The following FRMPD2 variants were observed in gnomAD, a reference collection of about 807,000 sequenced individuals.
FRMPD2 encodes FERM and PDZ domain containing 2, also known as FERM and PDZ domain-containing protein 2.
FRMPD2 carries 96 observed loss-of-function variants against 140.1 expected under a neutral mutation model. The observed-to-expected ratio is 0.69, with a 90% CI of 0.58 to 0.81. FRMPD2 has a LOEUF of 0.81. Among genes scored for constraint, FRMPD2 ranks in the 40% least tolerant of loss-of-function variants. The pLI, the probability that FRMPD2 is intolerant of heterozygous loss-of-function variation, is 0.00. For synonymous variants in FRMPD2, 449 were observed against 547.6 expected, an observed-to-expected ratio of 0.82 and a Z score of 2.52; for missense variants, 1,240 against 1,447.4, an observed-to-expected ratio of 0.86 and a Z score of 2.32.
At chr10:48,251,155 G>A (rs192119564) in intron 2 of FRMPD2, among the ~76,000 whole-genome samples, 139 of 152,288 alleles carry the variant, frequency 9.1e-4, no homozygotes, top group African/African-American at 3.3e-3. Flanking sequence ...TGGACAGAGT[G>A]TAGGGGTGTC....
At chr10:48,172,882 T>C in intron 25 of FRMPD2, 64 bp downstream of exon 25, 2 of 738,228 alleles carry the variant, frequency 2.7e-6, no homozygotes, top group South Asian at 3.4e-5. Context: ...CCTTTTGACT[T>C]GACAATTCAA....
rs1428449526 is a variant in FRMPD2 at position 48,205,186 on chromosome 10, G to A, written c.1797+1562C>T. On this transcript the variant is annotated intron_variant, in intron 14 of 28. Transcript: ENST00000374201. ...TGCTGGTGACATTACTTCATCTGAC[G>A]ACTGTTCCTTAAAAATAAGTTATTC... is the stretch of plus-strand genomic sequence containing the variant. Among the ~76,000 whole-genome samples the A allele has an allele frequency of 3.3e-5, 5 of 152,144 alleles. 1 individual carries two copies. In the South Asian group the frequency reaches 8.3e-4, roughly 25 times the overall value.
chr10:48,223,211 A>T lies in FRMPD2; in HGVS notation c.1228T>A (p.Trp410Arg). The T allele has an allele frequency of 6.2e-7, 1 of 1,614,044 alleles. No individual in the cohort carries two copies. Among genetic ancestry groups the T allele is most frequent in the African/African-American group, 1.3e-5 (1 of 75,046 alleles). The stretch of plus-strand genomic sequence containing the variant: ...GAGGTCTTCTGAGGCTGCTCTCTCC[A>T]GCCTTCAGGAGCTATTTTGCACAAT... ...TRLCKIAPEG[W>R]REQPQKTSMN... The change falls in exon 11 of 29, where the codon TGG becomes AGG. Residue 410 changes from tryptophan to arginine, a missense_variant. Coordinates refer to ENST00000374201, the MANE Select transcript of FRMPD2 (RefSeq NM_001018071.4).
intron 28 of FRMPD2, chr10:48,159,183 A>G (rs1253008827): frequency 2.2e-6 from 1 of 456,156 alleles, no homozygotes; most frequent in Non-Finnish European, 4.4e-6. Context: ...TGGGAGCCCC[A>G]GGTCTCTGCT....
At chr10:48,268,110 C>T (rs60503953) in intron 1 of FRMPD2, among the ~76,000 whole-genome samples, 1 of 152,030 alleles carries the variant, frequency 6.6e-6, no homozygotes, top group African/African-American at 2.4e-5. Flanking sequence ...ATACACACAT[C>T]GCAGATAAGC....
intron 14 of FRMPD2, among the ~76,000 whole-genome samples, chr10:48,205,092 A>AT (rs1462287987): frequency 6.6e-6 from 1 of 152,196 alleles, no homozygotes; most frequent in Non-Finnish European, 1.5e-5. Flanking sequence ...TGAATTCCCT[A>AT]TTTTGTGCTT....
chr10:48,174,700 T>A (rs1185399515), intron 24 of FRMPD2, among the ~76,000 whole-genome samples, 170 bp downstream of exon 24: 2 of 148,312 alleles, frequency 1.3e-5, no homozygotes, highest in African/African-American at 2.5e-5. Context: ...GGGTTTCACA[T>A]CCCCATAGAA....
chr10:48,271,557 T>C (rs1840765811), intron 1 of FRMPD2, among the ~76,000 whole-genome samples: 1 of 152,094 alleles, frequency 6.6e-6, no homozygotes, highest in African/African-American at 2.4e-5. Context: ...CTCCCTTCAC[T>C]ACCTACTCTA....
At chr10:48,171,528 C>A (rs1466527620) in intron 25 of FRMPD2, among the ~76,000 whole-genome samples, 1 of 152,424 alleles carries the variant, frequency 6.6e-6, no homozygotes, top group African/African-American at 2.4e-5. Flanking sequence ...ACGCTATAAT[C>A]GTACATCTAA....
chr10:48,266,818 C>T (rs1840685760), intron 1 of FRMPD2, among the ~76,000 whole-genome samples: 1 of 152,196 alleles, frequency 6.6e-6, no homozygotes, highest in Admixed American at 6.5e-5. Flanking sequence ...GGGGTGGTGC[C>T]AGGGAAGGTG....
chr10:48,231,011 C>T (rs1839836701), intron 10 of FRMPD2, among the ~76,000 whole-genome samples: 2 of 152,206 alleles, frequency 1.3e-5, no homozygotes, highest in African/African-American at 2.4e-5. Context: ...TCCAAACCTC[C>T]ATGTTGCTTA....
chr10:48,162,809 G>C (rs1442925867), intron 28 of FRMPD2, among the ~76,000 whole-genome samples: 1 of 137,540 alleles, frequency 7.3e-6, no homozygotes, highest in Non-Finnish European at 1.6e-5. Context: ...GTGTAGCCAG[G>C]CATGATGGCT....
Position 48,172,797 on chromosome 10 carries a change from T to C in FRMPD2, c.3223+149A>G. On this transcript the variant is annotated intron_variant, in intron 25 of 28. Transcript: ENST00000374201. ...TTCCATGAGATGGGCTTCCATGGCA[T>C]GAAAAAGCAGATCTCAGCATGATCA... 3 of 758,446 alleles carry C rather than the reference T, an allele frequency of 4.0e-6. 1 individual carries two copies. Among genetic ancestry groups the C allele is most frequent in the South Asian group, 3.3e-5 (2 of 60,152 alleles). The allele number at this position is 758,446 out of a possible 1,614,324, so 47.0% of individuals were successfully genotyped here.
intron 16 of FRMPD2, 100 bp from the exon 17 acceptor site, chr10:48,187,392 A>C: frequency 1.1e-6 from 1 of 927,832 alleles, no homozygotes; most frequent in Non-Finnish European, 1.7e-6. Flanking sequence ...GGCATTTCTG[A>C]GTATGGATGA....
At chr10:48,205,953 T>C (rs1839189034) in intron 14 of FRMPD2, among the ~76,000 whole-genome samples, 1 of 152,174 alleles carries the variant, frequency 6.6e-6, no homozygotes, top group Non-Finnish European at 1.5e-5. Flanking sequence ...AATTAGAAAA[T>C]GTTTTTAACC....
intron 17 of FRMPD2, among the ~76,000 whole-genome samples, chr10:48,186,572 T>C (rs1346639528): frequency 4.6e-5 from 7 of 152,202 alleles, no homozygotes; most frequent in Admixed American, 2.6e-4. Flanking sequence ...CTTGCTGCCA[T>C]CATGTAAGAA....
At chr10:48,238,568 G>C (rs1273252105) in intron 7 of FRMPD2, among the ~76,000 whole-genome samples, 1 of 152,226 alleles carries the variant, frequency 6.6e-6, no homozygotes, top group Non-Finnish European at 1.5e-5. Context: ...TTAAATGGCA[G>C]GAAAAAGTAT....
At chr10:48,249,244 G>A (rs1840323175) in intron 2 of FRMPD2, 66 bp from the exon 3 acceptor site, 1 of 1,522,546 alleles carries the variant, frequency 6.6e-7, no homozygotes, top group Non-Finnish European at 9.0e-7. Flanking sequence ...GCATGGGACT[G>A]TGCCCAGCAG....
chr10:48,251,804 G>T, intron 1 of FRMPD2, 113 bp from the exon 2 acceptor site: 1 of 1,277,306 alleles, frequency 7.8e-7, no homozygotes, highest in Non-Finnish European at 1.1e-6. Flanking sequence ...CTGCACACCG[G>T]CACTGTGTTT....
Sources: gnomAD v4.1 joint callset for allele counts (sites outside exome capture counted in the v4.1 genomes callset) on GRCh38, gnomAD v4.1.1 for gene constraint, MANE v1.5 for transcripts, NCBI Gene and HGNC (gene_info 2026-07-23, HGNC 2026-07-21) for gene names.